The following CATSPERE variants were observed in gnomAD, a reference collection of about 807,000 sequenced individuals.
CATSPERE encodes cation channel sperm-associated auxiliary subunit epsilon.
A neutral mutation model predicts 114.1 loss-of-function variants in CATSPERE; 93 were observed. The ratio of observed to expected loss-of-function variants is 0.81; its 90% confidence interval spans 0.69 to 0.97. The LOEUF is 0.97. Ranked by LOEUF, CATSPERE falls within the 50% of genes least tolerant of loss-of-function variation. The probability of loss-of-function intolerance (pLI) is 0.00; values close to 1 mark genes in which losing one functional copy is unlikely to be tolerated. For synonymous variants in CATSPERE, 341 were observed against 384.1 expected, an observed-to-expected ratio of 0.89 and a Z score of 1.31; for missense variants, 1,058 against 1,131.6, an observed-to-expected ratio of 0.93 and a Z score of 0.93.
Position 244,560,987 on chromosome 1 carries a change from T to C in CATSPERE, c.1349T>C (p.Phe450Ser). The change falls in exon 10 of 22, where the codon TTT (phenylalanine) becomes TCT (serine). Residue 450 changes from phenylalanine (F) to serine (S), a missense_variant. Phe to Ser is a radical substitution (Grantham distance 155). This residue lies in a region of CATSPERE where 787 missense variants were observed against 905.6 expected (regional missense o/e 0.87). Coordinates refer to ENST00000366534, the MANE Select transcript of CATSPERE (RefSeq NM_001130957.2). ...ATTGACAGTGTTACCATGCCACATT[T>C]TACATTTTCAGCACTGCCAGGATTA... ...APIDSVTMPH[F>S]TFSALPGLLL... is the part of the protein sequence containing the mutation. 2 of 1,614,124 alleles carry C rather than the reference T, an allele frequency of 1.2e-6. No individual in the cohort carries two copies. Among genetic ancestry groups the C allele is most frequent in the Non-Finnish European group, 8.5e-7 (1 of 1,179,994 alleles).
At chr1:244,628,918 C>A (rs977793980) in intron 20 of CATSPERE, among the ~76,000 whole-genome samples, 24 of 152,200 alleles carry the variant, frequency 1.6e-4, no homozygotes, top group African/African-American at 5.5e-4. Flanking sequence ...AAGACCAGTT[C>A]TGTACTTACA....
At chr1:244,521,494 A>G (rs2148373691) in intron 8 of CATSPERE, among the ~76,000 whole-genome samples, 1 of 152,302 alleles carries the variant, frequency 6.6e-6, no homozygotes, top group South Asian at 2.1e-4. Flanking sequence ...AGCTTAAAGG[A>G]GTAAAATTAG....
intron 5 of CATSPERE, among the ~76,000 whole-genome samples, chr1:244,486,774 C>T (rs1427350282): frequency 1.1e-3 from 76 of 72,326 alleles, no homozygotes; most frequent in South Asian, 1.2e-3. Flanking sequence ...GGTGGGTGGT[C>T]CAGCATGTGG....
At chr1:244,585,053 C>T (rs1240351719) in intron 13 of CATSPERE, among the ~76,000 whole-genome samples, 1 of 151,116 alleles carries the variant, frequency 6.6e-6, no homozygotes, top group African/African-American at 2.5e-5. Flanking sequence ...TTCCTCCAGC[C>T]CTCTCTAATC....
intron 7 of CATSPERE, among the ~76,000 whole-genome samples, chr1:244,501,901 G>A (rs768034807): frequency 3.9e-5 from 6 of 152,064 alleles, no homozygotes; most frequent in Non-Finnish European, 8.8e-5. Flanking sequence ...TCTTGCCTCC[G>A]GCCACTGGAC....
At chr1:244,638,697 C>G (rs1674956702) in intron 21 of CATSPERE, among the ~76,000 whole-genome samples, 1 of 152,164 alleles carries the variant, frequency 6.6e-6, no homozygotes, top group Non-Finnish European at 1.5e-5. Flanking sequence ...ATTTAATCTA[C>G]CTTAAAACTG....
chr1:244,490,505 T>A, intron 6 of CATSPERE, 34 bp downstream of exon 6: 1 of 1,211,696 alleles, frequency 8.3e-7, no homozygotes, highest in Admixed American at 1.8e-5. Flanking sequence ...ATAGCCTTCA[T>A]ATATCACTAG....
chr1:244,553,632 C>CACACATATATACAT (rs1553356218), intron 9 of CATSPERE, among the ~76,000 whole-genome samples: 11 of 146,118 alleles, frequency 7.5e-5, no homozygotes, highest in African/African-American at 2.9e-4. Flanking sequence ...CACACACACA[C>CACACATATATACAT]ACACACACAC....
At chr1:244,535,717 A>G (rs1362235674) in intron 8 of CATSPERE, among the ~76,000 whole-genome samples, 1 of 152,066 alleles carries the variant, frequency 6.6e-6, no homozygotes, top group Non-Finnish European at 1.5e-5. Flanking sequence ...CCAAGAACCA[A>G]TGCCGGGAAC....
At chr1:244,626,125 A>G (rs1353958258) in intron 20 of CATSPERE, among the ~76,000 whole-genome samples, 1 of 152,172 alleles carries the variant, frequency 6.6e-6, no homozygotes, top group African/African-American at 2.4e-5. Flanking sequence ...ATTAGCCTCT[A>G]ACAAGAAAGT....
At position 244,575,442 on chromosome 1, in the gene CATSPERE, C is replaced by G. The variant is rs1336977775; in HGVS notation, c.1950+2670C>G. On this transcript the variant is annotated intron_variant, in intron 11 of 21. Transcript: ENST00000366534. This position sits in a 1 kb window ranked among gnomAD's most constrained non-coding sequence, Gnocchi z 4.5. ...CCCGGCACACTCACACTTTCCTGCTCAGCTCTAACTTGCAGGCGTCCATGG... is the reference window on the plus strand; with the variant it reads ...CCCGGCACACTCACACTTTCCTGCTGAGCTCTAACTTGCAGGCGTCCATGG... Among the ~76,000 whole-genome samples, 1 of 152,196 alleles carries G rather than the reference C, an allele frequency of 6.6e-6. No individual in the cohort carries two copies. The highest frequency in any genetic ancestry group is 2.4e-5 in the African/African-American group (1 of 41,446).
intron 9 of CATSPERE, among the ~76,000 whole-genome samples, chr1:244,555,338 T>C (rs966664960): frequency 6.6e-6 from 1 of 150,414 alleles, no homozygotes; most frequent in Non-Finnish European, 1.5e-5. Flanking sequence ...TGAGCCAAGA[T>C]TGTAACACTG....
rs869044548 is a variant in CATSPERE at position 244,621,329 on chromosome 1, T to TAAA, written c.2648+3644_2648+3645insAAA. On this transcript the variant is annotated intron_variant, in intron 20 of 21. Transcript: ENST00000366534. ...TAAATATATAAAATATATATATATATATATATATATATATATTCCCTAAGA... is the reference window on the plus strand; with the variant it reads ...TAAATATATAAAATATATATATATATAAAATATATATATATATATTCCCTAAGA... Among the ~76,000 whole-genome samples, 367 of 125,760 alleles carry TAAA rather than the reference T, an allele frequency of 2.9e-3. 33 individuals are homozygous for TAAA. Among genetic ancestry groups the TAAA allele is most frequent in the African/African-American group, 7.4e-3 (237 of 32,204 alleles). The allele number at this position is 125,760 out of a possible 152,430, so 82.5% of individuals were successfully genotyped here.
intron 8 of CATSPERE, among the ~76,000 whole-genome samples, chr1:244,523,396 A>T (rs1417831254): frequency 7.0e-6 from 1 of 142,160 alleles, no homozygotes; most frequent in East Asian, 1.9e-4. Flanking sequence ...AATGGGCAAA[A>T]ACTGGAAGCA....
At chr1:244,616,379 C>T (rs1051135216) in intron 19 of CATSPERE, among the ~76,000 whole-genome samples, 6 of 152,134 alleles carry the variant, frequency 3.9e-5, no homozygotes, top group East Asian at 1.9e-4. Context: ...TTTCAAAATA[C>T]GTAGAAAAAA....
intron 6 of CATSPERE, among the ~76,000 whole-genome samples, chr1:244,493,237 G>T (rs1014803911): frequency 3.3e-5 from 5 of 152,246 alleles, no homozygotes; most frequent in Admixed American, 6.5e-5. Context: ...GCATGGTACT[G>T]GTACCAAAAC....
At chr1:244,627,544 T>C (rs1673363938) in intron 20 of CATSPERE, among the ~76,000 whole-genome samples, 2 of 151,858 alleles carry the variant, frequency 1.3e-5, no homozygotes, top group South Asian at 4.2e-4. Context: ...CACTGCCCTC[T>C]AGCCTGGACG....
chr1:244,635,899 T>C (rs1266237622), intron 21 of CATSPERE, among the ~76,000 whole-genome samples: 1 of 152,134 alleles, frequency 6.6e-6, no homozygotes. Context: ...CTAAAAATTG[T>C]ATGTGTGTAT....
At chr1:244,636,233 A>G (rs543282959) in intron 21 of CATSPERE, among the ~76,000 whole-genome samples, 6 of 152,224 alleles carry the variant, frequency 3.9e-5, no homozygotes, top group East Asian at 3.9e-4. Context: ...TAGGACCCCA[A>G]ATGACTTTGC....
Sources: allele counts gnomAD v4.1 joint callset (sites outside exome capture counted in the v4.1 genomes callset), GRCh38; gene constraint gnomAD v4.1.1; regional missense constraint gnomAD v4.1.1; non-coding constraint Gnocchi (gnomAD v3.1); transcripts MANE v1.5; gene names NCBI Gene and HGNC (gene_info 2026-07-23, HGNC 2026-07-21).